Variants in RAD51B observed in about 807,000 individuals in gnomAD.
RAD51B encodes DNA repair protein RAD51 homolog 2.
RAD51B carries 38 observed loss-of-function variants against 42.2 expected under a neutral mutation model. The ratio of observed to expected loss-of-function variants is 0.90; its 90% CI spans 0.70 to 1.18. The LOEUF (loss-of-function observed/expected upper bound fraction) is 1.18. Among genes scored for constraint, RAD51B ranks in the 50% most tolerant of loss-of-function variants. The pLI, the probability that RAD51B is intolerant of heterozygous loss-of-function variation, is 0.00. For synonymous variants in RAD51B, 154 were observed against 145.2 expected, an observed-to-expected ratio of 1.06 and a Z score of -0.43; for missense variants, 373 against 400.7, an observed-to-expected ratio of 0.93 and a Z score of 0.59.
At chr14:67,835,592 T>C (rs947393997) in intron 4 of RAD51B, among the ~76,000 whole-genome samples, 2 of 151,688 alleles carry the variant, frequency 1.3e-5, no homozygotes, top group African/African-American at 2.4e-5. Context: ...ATGTAATATG[T>C]ATGCACATAA....
At chr14:67,856,448 C>T (rs1484906832) in intron 4 of RAD51B, among the ~76,000 whole-genome samples, 2 of 151,704 alleles carry the variant, frequency 1.3e-5, no homozygotes, top group Admixed American at 1.3e-4. Context: ...AAGACCTACT[C>T]ATATTTCTAC....
At chr14:68,424,942 T>A (rs1170899947) in intron 9 of RAD51B, among the ~76,000 whole-genome samples, 1 of 152,114 alleles carries the variant, frequency 6.6e-6, no homozygotes, top group East Asian at 1.9e-4. Flanking sequence ...ACCTGGCTAT[T>A]TTTAAAATTT....
intron 7 of RAD51B, among the ~76,000 whole-genome samples, chr14:68,239,802 T>G (rs183449873): frequency 1.1e-4 from 16 of 152,316 alleles, no homozygotes; most frequent in Admixed American, 6.5e-4. Flanking sequence ...ATTGTCCCTT[T>G]AAGTATACAT....
chr14:67,943,980 A>G (rs181773286), intron 7 of RAD51B, among the ~76,000 whole-genome samples: 47 of 152,290 alleles, frequency 3.1e-4, no homozygotes, highest in African/African-American at 7.7e-4. Context: ...TGAATTTGCT[A>G]CATTTCTCAT....
At chr14:68,569,767 C>G (rs1889602735) in intron 10 of RAD51B, among the ~76,000 whole-genome samples, 1 of 152,208 alleles carries the variant, frequency 6.6e-6, no homozygotes, top group Admixed American at 6.5e-5. Flanking sequence ...GGAACCGGGC[C>G]TGAAGCAGCC....
intron 10 of RAD51B, among the ~76,000 whole-genome samples, chr14:68,630,694 C>T (rs1262232190): frequency 4.0e-5 from 6 of 149,622 alleles, no homozygotes; most frequent in Admixed American, 4.0e-4. Flanking sequence ...AGACAACCTT[C>T]GGCCGGTAAC....
rs570213772 is a variant in RAD51B at position 68,522,916 on chromosome 14, C to T, written c.1036+54666C>T. Among the ~76,000 whole-genome samples the T allele has an allele frequency of 2.0e-5, 3 of 152,326 alleles. No homozygotes were observed. In the South Asian group the frequency reaches 6.2e-4, roughly 32 times the overall value. On this transcript the variant is annotated intron_variant, in intron 10 of 10. Coordinates refer to the RAD51B transcript ENST00000487270. ...CAGGAACAATTTGCAGGAACAACCTCTGCATCAGCTGTGAAGAGGGCTCCC... is the reference window on the plus strand; with the variant it reads ...CAGGAACAATTTGCAGGAACAACCTTTGCATCAGCTGTGAAGAGGGCTCCC...
chr14:68,499,245 G>T lies in RAD51B; in HGVS notation c.1036+30995G>T, dbSNP rs1345656061. Reference sequence around the variant, plus strand: ...ACAGGAAGCCCTGGGACTCAGCACAGACTTGAGTCCCCCATTGGATGCAAT... The same window carrying T: ...ACAGGAAGCCCTGGGACTCAGCACATACTTGAGTCCCCCATTGGATGCAAT... On this transcript the variant is annotated intron_variant, in intron 10 of 10. Transcript: ENST00000487270. 2.0e-5 allele frequency among the ~76,000 whole-genome samples: 3 copies of T among 152,192 alleles called. No homozygotes were observed. The East Asian group carries it at 5.8e-4, about 29-fold the overall frequency.
intron 8 of RAD51B, among the ~76,000 whole-genome samples, chr14:68,403,493 G>C (rs537642334): frequency 1.3e-5 from 2 of 152,102 alleles, no homozygotes; most frequent in African/African-American, 2.4e-5. Context: ...TTTCCAACAG[G>C]CCTCTTCTAA....
intron 4 of RAD51B, among the ~76,000 whole-genome samples, chr14:67,846,334 A>T (rs778962080): frequency 3.7e-4 from 57 of 152,012 alleles, no homozygotes; most frequent in Non-Finnish European, 2.4e-4. Context: ...TGTCCTCCGT[A>T]TGCGCGTTTG....
chr14:67,990,989 A>G (rs1389497862), intron 7 of RAD51B, among the ~76,000 whole-genome samples: 1 of 152,202 alleles, frequency 6.6e-6, no homozygotes, highest in African/African-American at 2.4e-5. Flanking sequence ...CAGACTATAT[A>G]CTAATGGAGA....
At chr14:68,620,849 A>G (rs1891930484) in intron 10 of RAD51B, among the ~76,000 whole-genome samples, 1 of 152,250 alleles carries the variant, frequency 6.6e-6, no homozygotes, top group African/African-American at 2.4e-5. Flanking sequence ...GATGAGTGGC[A>G]GCTCGGGAGT....
chr14:68,311,476 A>G (rs1456100212), intron 8 of RAD51B, among the ~76,000 whole-genome samples: 1 of 152,172 alleles, frequency 6.6e-6, no homozygotes, highest in Admixed American at 6.5e-5. Context: ...TCTTTAAGCT[A>G]TCTCAGCTCA....
intron 7 of RAD51B, among the ~76,000 whole-genome samples, chr14:68,224,200 T>G (rs1222235750): frequency 6.6e-6 from 1 of 152,240 alleles, no homozygotes; most frequent in Admixed American, 6.5e-5. Flanking sequence ...GCATGAAGCC[T>G]GTTTTGTTTG....
chr14:68,503,893 G>A (rs1885095690), intron 10 of RAD51B, among the ~76,000 whole-genome samples: 1 of 152,080 alleles, frequency 6.6e-6, no homozygotes, highest in African/African-American at 2.4e-5. Flanking sequence ...GAAATTAATA[G>A]CTAACAAAGT....
intron 10 of RAD51B, among the ~76,000 whole-genome samples, chr14:68,511,792 G>T (rs911009268): frequency 3.4e-5 from 5 of 145,166 alleles, no homozygotes; most frequent in Admixed American, 1.4e-4. Context: ...TATCCAAAGT[G>T]ATCTAGGGGG....
intron 3 of RAD51B, among the ~76,000 whole-genome samples, chr14:67,828,097 C>T (rs374530948): frequency 3.0e-5 from 4 of 133,868 alleles, no homozygotes; most frequent in Non-Finnish European, 5.1e-5. Flanking sequence ...TTAATTTACA[C>T]TCCCACCAAC....
At chr14:67,952,941 G>C (rs933143003) in intron 7 of RAD51B, among the ~76,000 whole-genome samples, 2 of 151,648 alleles carry the variant, frequency 1.3e-5, no homozygotes, top group Non-Finnish European at 2.9e-5. Context: ...ACATTCTTTG[G>C]CATCTTAAAC....
At chr14:68,171,918 C>T (rs905297617) in intron 7 of RAD51B, among the ~76,000 whole-genome samples, 1 of 150,544 alleles carries the variant, frequency 6.6e-6, no homozygotes, top group Non-Finnish European at 1.5e-5. Context: ...TGTTGGCCAG[C>T]CTGGTTTCGA....
Sources: gnomAD v4.1 joint callset for allele counts (sites outside exome capture counted in the v4.1 genomes callset) on GRCh38, gnomAD v4.1.1 for gene constraint, MANE v1.5 for transcripts, NCBI Gene and HGNC (gene_info 2026-07-23, HGNC 2026-07-21) for gene names.